The following ZNF253 variants were observed in gnomAD, a reference collection of about 807,000 sequenced individuals.
ZNF253 encodes the protein zinc finger protein 253.
Under a neutral mutation model 11.9 loss-of-function variants are expected in ZNF253, and 8 were observed. That is an observed-to-expected ratio of 0.67 (90% CI 0.40 to 1.22). The LOEUF is 1.22. ZNF253 is among the 50% of genes most tolerant of loss of function. The pLI is 0.01. For synonymous variants in ZNF253, 194 were observed against 194.9 expected (o/e 1.00, Z 0.04); for missense variants, 485 against 586.9 (o/e 0.83, Z 1.79).
At position 19,888,305 on chromosome 19, in the gene ZNF253, TCA is replaced by T. The variant is rs1345831368; in HGVS notation, c.227-3167_227-3166del. On this transcript the variant is annotated intron_variant, in intron 3 of 3. Coordinates refer to ENST00000589717, the MANE Select transcript of ZNF253 (RefSeq NM_021047.3). ...TCTTGGACTCCTGACCTCCAGTGAT[TCA>T]CCCGCCTTGGTCTCCCAATGTGCTG... Among the ~76,000 whole-genome samples, 3 of 152,240 alleles carry T rather than the reference TCA, an allele frequency of 2.0e-5. No homozygotes were observed. In the East Asian group the frequency reaches 5.8e-4, roughly 29 times the overall value.
At chr19:19,873,922 T>G (rs2145261880) in intron 1 of ZNF253, among the ~76,000 whole-genome samples, 1 of 151,816 alleles carries the variant, frequency 6.6e-6, no homozygotes, top group South Asian at 2.1e-4. Flanking sequence ...AATTAATTTT[T>G]GGTTTTTTGA....
intron 1 of ZNF253, among the ~76,000 whole-genome samples, chr19:19,872,561 CTATATATA>C (rs58650123): frequency 1.6e-5 from 2 of 121,996 alleles, no homozygotes; most frequent in Admixed American, 1.6e-4. Context: ...TAAACCATAA[CTATATATA>C]TATATATATA....
intron 1 of ZNF253, among the ~76,000 whole-genome samples, chr19:19,875,511 T>G (rs1351237395): frequency 6.6e-6 from 1 of 152,118 alleles, no homozygotes; most frequent in Non-Finnish European, 1.5e-5. Context: ...TTCTCCTGCC[T>G]CAGCCTCCCA....
At position 19,893,595 on chromosome 19, in the gene ZNF253, A is replaced by T. The variant is rs965645131; in HGVS notation, c.*848A>T. 6.6e-6 allele frequency: 1 copy of T among 152,242 alleles called. No homozygotes were observed. The highest frequency in any genetic ancestry group is 1.5e-5 in the Non-Finnish European group (1 of 68,048). The allele number at this position is 152,242 out of a possible 1,614,324, so 9.4% of individuals were successfully genotyped here. A position where few individuals can be genotyped will look rare whatever the true frequency, so the allele number is the denominator to read the frequency against. On this transcript the variant is annotated 3_prime_UTR_variant, in exon 4 of 4. Coordinates refer to ENST00000589717, the MANE Select transcript of ZNF253 (RefSeq NM_021047.3). ...TAGTGCTTATACCTTATTTCACAGG[A>T]AAGCTCTTATCCTTGAGAAAAATTG... is the stretch of plus-strand genomic sequence containing the variant.
intron 3 of ZNF253, among the ~76,000 whole-genome samples, chr19:19,889,747 C>G (rs1431345006): frequency 6.6e-6 from 1 of 152,040 alleles, no homozygotes; most frequent in Non-Finnish European, 1.5e-5. Flanking sequence ...TCAAGCAGTT[C>G]TCGTGTGTCA....
intron 3 of ZNF253, among the ~76,000 whole-genome samples, chr19:19,889,979 C>T (rs1323429611): frequency 1.3e-5 from 2 of 152,310 alleles, no homozygotes; most frequent in East Asian, 1.9e-4. Flanking sequence ...ACTTTATTCA[C>T]TTTTTATGGC....
At position 19,892,771 on chromosome 19, in the gene ZNF253, G is replaced by T. The variant is rs565093127; in HGVS notation, c.*24G>T. The T allele has an allele frequency of 3.1e-4, 484 of 1,547,066 alleles. 2 individuals carry two copies. In the South Asian group the frequency reaches 5.3e-3, roughly 17 times the overall value. ...AATTCATACTGGAGAGAAACCCTAT[G>T]AATGTGATGAATGTGGGAAAGCCTT... On this transcript the variant is annotated 3_prime_UTR_variant, in exon 4 of 4. Coordinates refer to ENST00000589717, the MANE Select transcript of ZNF253 (RefSeq NM_021047.3).
At chr19:19,880,692 G>C (rs2122122144) in intron 3 of ZNF253, among the ~76,000 whole-genome samples, 1 of 149,700 alleles carries the variant, frequency 6.7e-6, no homozygotes, top group East Asian at 2.0e-4. Flanking sequence ...GCAACAGAGC[G>C]AGACTCCATC....
At chr19:19,868,810 T>C (rs959970190) in intron 1 of ZNF253, among the ~76,000 whole-genome samples, 1 of 151,966 alleles carries the variant, frequency 6.6e-6, no homozygotes, top group Non-Finnish European at 1.5e-5. Flanking sequence ...TATGCACATG[T>C]ACCCCAGAAC....
rs114760449 is a variant in ZNF253 at position 19,883,171 on chromosome 19, A to G, written c.226+3025A>G. On this transcript the variant is annotated intron_variant, in intron 3 of 3. Transcript: ENST00000589717. ...TTTCCATGTGTTTAATGATGAATAT[A>G]TATTTCCTTTTGTGAGAAAAGCACT... Among the ~76,000 whole-genome samples, 914 of 152,258 alleles carry G rather than the reference A, an allele frequency of 6.0e-3. 9 individuals carry two copies. The highest frequency in any genetic ancestry group is 0.021 in the African/African-American group (873 of 41,554).
At chr19:19,871,093 A>G (rs943087102) in intron 1 of ZNF253, 2 of 152,136 alleles carry the variant, frequency 1.3e-5, no homozygotes, top group African/African-American at 4.8e-5. Context: ...ATGGTGTCCA[A>G]ATGAGGTGGA....
chr19:19,866,132 C>A, intron 1 of ZNF253, 133 bp downstream of exon 1: 1 of 1,181,298 alleles, frequency 8.5e-7, no homozygotes, highest in Non-Finnish European at 1.2e-6. Flanking sequence ...CCCAGCTCGG[C>A]CTCAGTCCCC....
Position 19,893,668 on chromosome 19 carries a change from T to C in ZNF253, c.*921T>C, listed in dbSNP as rs2122147086. The C allele has an allele frequency of 6.6e-6, 1 of 152,362 alleles. No homozygotes were observed. The highest frequency in any genetic ancestry group is 1.5e-5 in the Non-Finnish European group (1 of 68,038). The allele number at this position is 152,362 out of a possible 1,614,324, so 9.4% of individuals were successfully genotyped here. On this transcript the variant is annotated 3_prime_UTR_variant, in exon 4 of 4. Transcript: ENST00000589717. ...AAACCATTAATGCCTACTCACATCT[T>C]ACTGAACAGAAGAAGGTTCATAGTT...
rs113704822 is a variant in ZNF253, at chr19:19,887,031, A to G, written c.227-4443A>G. Among the ~76,000 whole-genome samples the G allele has an allele frequency of 2.5e-3, 375 of 152,172 alleles. 4 individuals are homozygous for G. The highest frequency in any genetic ancestry group is 0.01 in the Middle Eastern group (3 of 292). ...AGATAGATAAATATTACGATTATAG[A>G]TTCCTGCTAAATCAACTCACTTTAC... On this transcript the variant is annotated intron_variant, in intron 3 of 3. Transcript: ENST00000589717.
At chr19:19,871,853 T>A (rs1476891670) in intron 1 of ZNF253, among the ~76,000 whole-genome samples, 1 of 152,188 alleles carries the variant, frequency 6.6e-6, no homozygotes, top group East Asian at 1.9e-4. Context: ...AAATTTTTCT[T>A]TTAATTATTG....
rs769403720 is a variant in ZNF253 at position 19,865,959 on chromosome 19, A to G, written c.-38A>G. On this transcript the variant is annotated 5_prime_UTR_variant, in exon 1 of 4. Coordinates refer to ENST00000589717, the MANE Select transcript of ZNF253 (RefSeq NM_021047.3). ...CCGTGTGACCTGCAAGTATTGGGAG[A>G]GCCACAGCTAAACCCCGGGACCCCT... 1 of 1,613,966 alleles carries G rather than the reference A, an allele frequency of 6.2e-7. No individual in the cohort carries two copies. Among genetic ancestry groups the G allele is most frequent in the Non-Finnish European group, 8.5e-7 (1 of 1,179,950 alleles).
At chr19:19,885,746 TA>T (rs2063204247) in intron 3 of ZNF253, among the ~76,000 whole-genome samples, 1 of 152,244 alleles carries the variant, frequency 6.6e-6, no homozygotes, top group Admixed American at 6.5e-5. Flanking sequence ...GTATTTTATT[TA>T]AAATGTATTT....
chr19:19,875,994 T>C (rs1415109277), intron 1 of ZNF253, among the ~76,000 whole-genome samples: 1 of 152,214 alleles, frequency 6.6e-6, no homozygotes, highest in East Asian at 1.9e-4. Flanking sequence ...TATAGACTTA[T>C]TCAGACATTG....
At chr19:19,888,598 A>G (rs1175074926) in intron 3 of ZNF253, among the ~76,000 whole-genome samples, 1 of 152,160 alleles carries the variant, frequency 6.6e-6, no homozygotes, top group Non-Finnish European at 1.5e-5. Context: ...GCATGCAAAC[A>G]TTCTTCATTA....
Sources: gnomAD v4.1 joint callset for allele counts (sites outside exome capture counted in the v4.1 genomes callset) on GRCh38, gnomAD v4.1.1 for gene constraint, MANE v1.5 for transcripts, NCBI Gene and HGNC (gene_info 2026-07-23, HGNC 2026-07-21) for gene names.